The following ATP2B4 variants were observed in gnomAD, a reference collection of about 807,000 sequenced individuals.
The protein encoded by ATP2B4 is plasma membrane calcium-transporting ATPase 4.
ATP2B4 carries 39 observed loss-of-function variants against 110.3 expected under a neutral mutation model. That is an observed-to-expected ratio of 0.35 (90% CI 0.27 to 0.46). The LOEUF is 0.46. ATP2B4 is among the 20% of genes least tolerant of loss of function. The pLI is 1.00. For synonymous variants in ATP2B4, 538 were observed against 571.7 expected (o/e 0.94, Z 0.84); for missense variants, 1,135 against 1,530.9 (o/e 0.74, Z 4.32).
chr1:203,629,560 T>C lies in ATP2B4; in HGVS notation c.-465+2341T>C, dbSNP rs1274021240. The stretch of plus-strand genomic sequence containing the variant: ...TAATCGGCTCCCGCAGTCTCAGCCC[T>C]TCCCCCGGGGCTCGGGGCAGGATTG... On this transcript the variant is annotated intron_variant, in intron 1 of 20. Coordinates refer to ENST00000357681, the MANE Select transcript of ATP2B4 (RefSeq NM_001684.5). The surrounding 1 kb of genome is among the most constrained non-coding windows in gnomAD (Gnocchi z 4.6). Among the ~76,000 whole-genome samples the C allele has an allele frequency of 5.3e-5, 8 of 152,072 alleles. No homozygotes were observed. The highest frequency in any genetic ancestry group is 5.2e-4 in the Admixed American group (8 of 15,290).
At chr1:203,630,303 C>T (rs543160790) in intron 1 of ATP2B4, among the ~76,000 whole-genome samples, 41 of 151,998 alleles carry the variant, frequency 2.7e-4, no homozygotes, top group Admixed American at 1.1e-3. Context: ...GAAACTGCCC[C>T]TTATTCAAGA....
intron 14 of ATP2B4, among the ~76,000 whole-genome samples, chr1:203,713,896 C>T (rs993406193): frequency 3.3e-5 from 5 of 152,062 alleles, no homozygotes; most frequent in African/African-American, 1.2e-4. Flanking sequence ...CCCAAATTAC[C>T]CAGCTGGTAC....
Position 203,739,528 on chromosome 1 carries a change from T to G in ATP2B4, c.3310-18T>G. The G allele has an allele frequency of 6.3e-7, 1 of 1,598,740 alleles. No homozygotes were observed. The highest frequency in any genetic ancestry group is 8.5e-7 in the Non-Finnish European group (1 of 1,170,440). ...ACCTCTCTATTTTCTCATCCTCCTT[T>G]TCCTTCCCCTGGTATAGATCAAAGT... is the stretch of plus-strand genomic sequence containing the variant. On this transcript the variant is annotated intron_variant, in intron 20 of 20. Transcript: ENST00000357681.
chr1:203,738,360 C>T (rs1191518395), intron 20 of ATP2B4, among the ~76,000 whole-genome samples: 1 of 152,102 alleles, frequency 6.6e-6, no homozygotes, highest in African/African-American at 2.4e-5. Context: ...AGCAGAGCTG[C>T]CAAAATTGCT....
rs539581782 is a variant in ATP2B4 at position 203,660,886 on chromosome 1, G to A, written c.-464-21856G>A. Among the ~76,000 whole-genome samples, 56 of 152,064 alleles carry A rather than the reference G, an allele frequency of 3.7e-4. 1 individual carries two copies. Among genetic ancestry groups the A allele is most frequent in the Non-Finnish European group, 6.6e-4 (45 of 67,970 alleles). On this transcript the variant is annotated intron_variant, in intron 1 of 20. Transcript: ENST00000357681. ...AGCACTTTGGGAGGCCGAGGCAGGC[G>A]GATCACTTGAGGTTAGGAGTTCGAG...
intron 1 of ATP2B4, among the ~76,000 whole-genome samples, chr1:203,649,846 G>A (rs1364676815): frequency 3.3e-5 from 5 of 152,172 alleles, no homozygotes; most frequent in African/African-American, 1.2e-4. Context: ...TTGAGGTCAC[G>A]GAAACTCCAC....
At chr1:203,719,429 T>G (rs1263425476) in intron 15 of ATP2B4, among the ~76,000 whole-genome samples, 1 of 151,668 alleles carries the variant, frequency 6.6e-6, no homozygotes, top group African/African-American at 2.4e-5. Context: ...TCAAATGCAG[T>G]CTGGGCACGG....
chr1:203,693,753 G>T (rs1665451913), intron 2 of ATP2B4, among the ~76,000 whole-genome samples: 1 of 152,192 alleles, frequency 6.6e-6, no homozygotes, highest in African/African-American at 2.4e-5. Context: ...GAGGTACAGA[G>T]GAAAGCAGCA....
chr1:203,720,843 T>A, intron 16 of ATP2B4, 103 bp downstream of exon 16: 1 of 1,340,720 alleles, frequency 7.5e-7, no homozygotes, highest in Non-Finnish European at 1.0e-6. Flanking sequence ...AGACAGCGTT[T>A]CCCCATGACA....
At position 203,741,813 on chromosome 1, in the gene ATP2B4, A is replaced by G. The variant is rs957791447; in HGVS notation, c.*1959A>G. On this transcript the variant is annotated 3_prime_UTR_variant, in exon 21 of 21. Coordinates refer to ENST00000357681, the MANE Select transcript of ATP2B4 (RefSeq NM_001684.5). ...ATTCTTTTTTGTGTCTTAAATACTC[A>G]TAGGGGAAAAAAACAGCTCACCCAA... 6.6e-6 allele frequency: 1 copy of G among 152,638 alleles called. No individual in the cohort carries two copies. 9.5% of individuals were successfully genotyped at this position (152,638 alleles called of 1,614,324 possible). A position where few individuals can be genotyped will look rare whatever the true frequency, so the allele number is the denominator to read the frequency against.
At chr1:203,659,974 CG>C (rs1558020215) in intron 1 of ATP2B4, among the ~76,000 whole-genome samples, 1 of 151,028 alleles carries the variant, frequency 6.6e-6, no homozygotes, top group African/African-American at 2.4e-5. Flanking sequence ...CTCAGCTACT[CG>C]GGAGGCTGAG....
intron 1 of ATP2B4, among the ~76,000 whole-genome samples, chr1:203,630,917 T>G (rs1004272838): frequency 6.6e-6 from 1 of 152,234 alleles, no homozygotes; most frequent in Non-Finnish European, 1.5e-5. Flanking sequence ...GTGGAATGTT[T>G]TGCCCTTGGC....
At position 203,682,950 on chromosome 1, in the gene ATP2B4, A is replaced by T. The variant is rs2102361370; in HGVS notation, c.-256A>T. 2.5e-6 allele frequency: 1 copy of T among 404,730 alleles called. No homozygotes were observed. Among genetic ancestry groups the T allele is most frequent in the East Asian group, 4.5e-5 (1 of 22,274 alleles). 25.1% of individuals were successfully genotyped at this position (404,730 alleles called of 1,614,324 possible). The stretch of plus-strand genomic sequence containing the variant: ...ACCTGGGGACACCAATCATCGTGAC[A>T]CGGAGTCCACCTTCCACTCAGTTCC... On this transcript the variant is annotated 5_prime_UTR_variant, in exon 2 of 21. Coordinates refer to ENST00000357681, the MANE Select transcript of ATP2B4 (RefSeq NM_001684.5).
intron 19 of ATP2B4, 55 bp from the exon 20 acceptor site, chr1:203,727,340 A>G (rs1571771250): frequency 1.9e-6 from 3 of 1,591,464 alleles, no homozygotes; most frequent in Non-Finnish European, 1.7e-6. Flanking sequence ...AAGTTGACTG[A>G]CAGCTCTTCT....
intron 1 of ATP2B4, among the ~76,000 whole-genome samples, chr1:203,682,285 A>T (rs1259082112): frequency 6.6e-6 from 1 of 152,054 alleles, no homozygotes; most frequent in Non-Finnish European, 1.5e-5. Context: ...AGAGGAAGGC[A>T]GACTGACAGG....
chr1:203,709,288 T>C lies in ATP2B4; in HGVS notation c.1558-13T>C. ...ATCTTACTCAATAGTGCTGTGTATA[T>C]TTCTTCTCCCAGCCTCCAGAGAAGG... On this transcript the variant is annotated splice_polypyrimidine_tract_variant and intron_variant, in intron 10 of 20. Coordinates refer to ENST00000357681, the MANE Select transcript of ATP2B4 (RefSeq NM_001684.5). The C allele has an allele frequency of 6.2e-7, 1 of 1,614,156 alleles. No individual in the cohort carries two copies. Among genetic ancestry groups the C allele is most frequent in the Non-Finnish European group, 8.5e-7 (1 of 1,179,998 alleles).
At chr1:203,673,660 T>A (rs892790719) in intron 1 of ATP2B4, among the ~76,000 whole-genome samples, 1 of 152,184 alleles carries the variant, frequency 6.6e-6, no homozygotes, top group African/African-American at 2.4e-5. Context: ...CCAGGCCTGA[T>A]GACCAGTATG....
At chr1:203,645,953 G>A (rs957432113) in intron 1 of ATP2B4, among the ~76,000 whole-genome samples, 9 of 151,006 alleles carry the variant, frequency 6.0e-5, no homozygotes, top group Admixed American at 4.0e-4. Flanking sequence ...GATCATTCTT[G>A]TTTCAGCCAC....
chr1:203,671,958 C>T (rs1664675923), intron 1 of ATP2B4, among the ~76,000 whole-genome samples: 1 of 152,202 alleles, frequency 6.6e-6, no homozygotes, highest in South Asian at 2.1e-4. Flanking sequence ...TCGAAGCTCT[C>T]CTCCCACGAC....
Sources: allele counts gnomAD v4.1 joint callset (sites outside exome capture counted in the v4.1 genomes callset), GRCh38; gene constraint gnomAD v4.1.1; non-coding constraint Gnocchi (gnomAD v3.1); transcripts MANE v1.5; gene names NCBI Gene and HGNC (gene_info 2026-07-23, HGNC 2026-07-21).